SPDYE18: variants seen among roughly 807,000 people sequenced by gnomAD.
SPDYE18 encodes speedy protein E18.
Under a neutral mutation model 44.9 loss-of-function variants are expected in SPDYE18, and 6 were observed. The observed-to-expected ratio is 0.13, with a 90% confidence interval of 0.07 to 0.26. SPDYE18 has a LOEUF of 0.26. Ranked by LOEUF, SPDYE18 falls within the 10% of genes least tolerant of loss-of-function variation. The pLI, the probability that SPDYE18 is intolerant of heterozygous loss-of-function variation, is 1.00. For synonymous variants in SPDYE18, 35 were observed against 177.1 expected (o/e 0.20, Z 6.37); for missense variants, 121 against 463.2 (o/e 0.26, Z 6.78).
intron 1 of SPDYE18, among the ~76,000 whole-genome samples, chr7:77,062,169 A>G (rs3972471): frequency 7.0e-6 from 1 of 143,284 alleles, no homozygotes; most frequent in Admixed American, 7.7e-5. Context: ...ACGTTTTCCT[A>G]ATGGGCTGCT....
rs1197480200 is a variant in SPDYE18, at chr7:77,050,778, A to G, written c.*1147T>C. On this transcript the variant is annotated 3_prime_UTR_variant, in exon 9 of 9. Transcript: ENST00000510091. Reference sequence around the variant, plus strand: ...CTCTCTTAAAAAGGAAAACAAAATTATATGTATGTGTATATAATAGTTATA... The same window carrying G: ...CTCTCTTAAAAAGGAAAACAAAATTGTATGTATGTGTATATAATAGTTATA... 6.6e-6 allele frequency among the ~76,000 whole-genome samples: 1 copy of G among 151,954 alleles called. No individual in the cohort carries two copies. Among genetic ancestry groups the G allele is most frequent in the Non-Finnish European group, 1.5e-5 (1 of 67,974 alleles).
At chr7:77,054,543 GGGGGA>G (rs1789882127) in intron 6 of SPDYE18, among the ~76,000 whole-genome samples, 1 of 151,216 alleles carries the variant, frequency 6.6e-6, no homozygotes, top group Non-Finnish European at 1.5e-5. Context: ...AGTGATGCGA[GGGGGA>G]CCTGAACTGT....
At chr7:77,054,707 T>C (rs1298186850) in intron 6 of SPDYE18, among the ~76,000 whole-genome samples, 78 of 151,398 alleles carry the variant, frequency 5.2e-4, no homozygotes, top group African/African-American at 1.9e-3. Context: ...TTAGGAGCGG[T>C]TTATGGTTCC....
In SPDYE18 at chr7:77,051,654, C is replaced by T. The variant is rs1290481393; in HGVS notation, c.*271G>A. Among the ~76,000 whole-genome samples, 11 of 152,190 alleles carry T rather than the reference C, an allele frequency of 7.2e-5. No homozygotes were observed. Among genetic ancestry groups the T allele is most frequent in the African/African-American group, 9.6e-5 (4 of 41,480 alleles). ...GGAAAGGGTGGAACTGGAAACACTC[C>T]TGTTTTCTTACTTTTCTCCAAGGAC... On this transcript the variant is annotated 3_prime_UTR_variant, in exon 9 of 9. Coordinates refer to ENST00000510091, the MANE Select transcript of SPDYE18 (RefSeq NM_001394953.1).
At chr7:77,062,407 C>T (rs1037874764) in intron 1 of SPDYE18, among the ~76,000 whole-genome samples, 89 bp downstream of exon 1, 1 of 151,380 alleles carries the variant, frequency 6.6e-6, no homozygotes, top group African/African-American at 2.4e-5. Context: ...AATGTTCTGA[C>T]CCCATTAAAA....
rs1583980648 is a variant in SPDYE18 at position 77,060,515 on chromosome 7, CCTT to C, written c.-6_-4del. On this transcript the variant is annotated 5_prime_UTR_variant, in exon 2 of 9. Transcript: ENST00000510091. ...AACCTAGTCTTCGTTCTGTCCATGG[CCTT>C]CTTCTGGACACTGCTAGGATCCAGA... 6.5e-7 allele frequency: 1 copy of C among 1,535,098 alleles called. No individual in the cohort carries two copies. Among genetic ancestry groups the C allele is most frequent in the Admixed American group, 2.0e-5 (1 of 50,954 alleles).
At chr7:77,055,914 G>GT (rs1480413703) in intron 5 of SPDYE18, among the ~76,000 whole-genome samples, 1 of 151,112 alleles carries the variant, frequency 6.6e-6, no homozygotes, top group Non-Finnish European at 1.5e-5. Flanking sequence ...GTGAGACCCT[G>GT]TTTCTACAAA....
intron 6 of SPDYE18, among the ~76,000 whole-genome samples, chr7:77,054,549 CCTGAACTG>C (rs1789882426): frequency 6.9e-6 from 1 of 145,720 alleles, no homozygotes; most frequent in Non-Finnish European, 1.5e-5. Context: ...GCGAGGGGGA[CCTGAACTG>C]TGGCCTCTGT....
rs1294706342 is a variant in SPDYE18, at chr7:77,053,348, G to C, written c.756-145C>G. On this transcript the variant is annotated intron_variant, in intron 6 of 8. Coordinates refer to ENST00000510091, the MANE Select transcript of SPDYE18 (RefSeq NM_001394953.1). ...GCAGAGAGCCACGCCTTCCTCAGGA[G>C]GGCTCTGCTGGACAGAGACCTGATC... The C allele has an allele frequency of 5.1e-6, 7 of 1,377,298 alleles. No homozygotes were observed. The African/African-American group carries it at 8.7e-5, about 17-fold the overall frequency. 85.3% of individuals were successfully genotyped at this position (1,377,298 alleles called of 1,614,324 possible). A position where few individuals can be genotyped will look rare whatever the true frequency, so the allele number is the denominator to read the frequency against.
chr7:77,051,994 C>G (rs1458877136), intron 8 of SPDYE18, among the ~76,000 whole-genome samples, 115 bp from the exon 9 acceptor site: 4 of 143,216 alleles, frequency 2.8e-5, no homozygotes, highest in Admixed American at 2.2e-4. Context: ...GCAATTTTAT[C>G]TGCTGCCTTT....
rs186573565 is a variant in SPDYE18 at position 77,051,520 on chromosome 7, C to T, written c.*405G>A. Among the ~76,000 whole-genome samples, 14,817 of 150,842 alleles carry T rather than the reference C, an allele frequency of 0.098. 583 individuals are homozygous for T. Among genetic ancestry groups the T allele is most frequent in the Non-Finnish European group, 0.14 (9,716 of 67,032 alleles). On this transcript the variant is annotated 3_prime_UTR_variant, in exon 9 of 9. Transcript: ENST00000510091. ...GCCAATCTGAGCCCCTGCATTGTGC[C>T]TTCAAATGCTCCTGGACTGTGGCAA...
rs1790010555 is a variant in SPDYE18, at chr7:77,060,843, C to T, written c.-331G>A. On this transcript the variant is annotated 5_prime_UTR_variant, in exon 2 of 9. Coordinates refer to ENST00000510091, the MANE Select transcript of SPDYE18 (RefSeq NM_001394953.1). ...CAGGGACTCCACATCCCTGTGTTCC[C>T]TGTCCCAGCAGAGGCTGTGTCCTCT... Among the ~76,000 whole-genome samples the T allele has an allele frequency of 6.6e-6, 1 of 151,640 alleles. No homozygotes were observed. Among genetic ancestry groups the T allele is most frequent in the South Asian group, 2.1e-4 (1 of 4,814 alleles).
rs1271309321 is a variant in SPDYE18, at chr7:77,050,897, TTAAA to T, written c.*1024_*1027del. Among the ~76,000 whole-genome samples, 70 of 148,824 alleles carry T rather than the reference TTAAA, an allele frequency of 4.7e-4. No individual in the cohort carries two copies. Among genetic ancestry groups the T allele is most frequent in the African/African-American group, 1.3e-3 (55 of 41,070 alleles). On this transcript the variant is annotated 3_prime_UTR_variant, in exon 9 of 9. Coordinates refer to ENST00000510091, the MANE Select transcript of SPDYE18 (RefSeq NM_001394953.1). ...ATAATATTTAAAGTAATAATAATAT[TTAAA>T]TAAATAAATATATTTAATAAATATT...
chr7:77,054,760 T>C (rs1789887737), intron 6 of SPDYE18, among the ~76,000 whole-genome samples: 2 of 136,686 alleles, frequency 1.5e-5, no homozygotes, highest in South Asian at 4.8e-4. Flanking sequence ...TTGGAGTTTG[T>C]TTTTTTGGCT....
In SPDYE18 at chr7:77,055,791, G is replaced by C. The variant is rs991918548; in HGVS notation, c.670-470C>G. ...GGGAGATGCTGACAAATCATAAAAAGACCAAGAATAGCCGGGAGTGGTGGC... is the reference window on the plus strand; with the variant it reads ...GGGAGATGCTGACAAATCATAAAAACACCAAGAATAGCCGGGAGTGGTGGC... On this transcript the variant is annotated intron_variant, in intron 5 of 8. Coordinates refer to ENST00000510091, the MANE Select transcript of SPDYE18 (RefSeq NM_001394953.1). Among the ~76,000 whole-genome samples, 22 of 143,666 alleles carry C rather than the reference G, an allele frequency of 1.5e-4. No homozygotes were observed. In the East Asian group the frequency reaches 4.5e-3, roughly 29 times the overall value. The allele number at this position is 143,666 out of a possible 152,430, so 94.3% of individuals were successfully genotyped here. A position where few individuals can be genotyped will look rare whatever the true frequency, so the allele number is the denominator to read the frequency against.
rs1320892643 is a variant in SPDYE18, at chr7:77,050,737, T to A, written c.*1188A>T. ...TACAAAGATTGAAAGGTAAAAGATT[T>A]AGGATGAAAAGAATCCTCTCTTAAA... On this transcript the variant is annotated 3_prime_UTR_variant, in exon 9 of 9. Coordinates refer to ENST00000510091, the MANE Select transcript of SPDYE18 (RefSeq NM_001394953.1). Among the ~76,000 whole-genome samples, 1 of 152,074 alleles carries A rather than the reference T, an allele frequency of 6.6e-6. No homozygotes were observed. Among genetic ancestry groups the A allele is most frequent in the Non-Finnish European group, 1.5e-5 (1 of 67,992 alleles).
At chr7:77,058,833 C>T (rs1455682234) in intron 3 of SPDYE18, among the ~76,000 whole-genome samples, 1 of 151,996 alleles carries the variant, frequency 6.6e-6, no homozygotes, top group Non-Finnish European at 1.5e-5. Flanking sequence ...TGCTCTGTCA[C>T]CCAGGCTGGA....
rs1204392133 is a variant in SPDYE18 at position 77,060,933 on chromosome 7, T to G, written c.-421A>C. ...TGTACATGCCCATTTCAGAGTCCAG[T>G]CTGGTGGGAGAGGGAACAGAGTGGG... On this transcript the variant is annotated splice_region_variant and 5_prime_UTR_variant, in exon 2 of 9. Transcript: ENST00000510091. Among the ~76,000 whole-genome samples the G allele has an allele frequency of 1.6e-3, 246 of 150,758 alleles. No individual in the cohort carries two copies. The Middle Eastern group carries it at 0.021, about 13-fold the overall frequency.
intron 2 of SPDYE18, 144 bp downstream of exon 2, chr7:77,060,209 C>A: frequency 7.0e-7 from 1 of 1,422,196 alleles, no homozygotes; most frequent in Non-Finnish European, 9.3e-7. Flanking sequence ...ATTGGCCAGG[C>A]TGGCCTTGAA....
Sources: allele counts gnomAD v4.1 joint callset (sites outside exome capture counted in the v4.1 genomes callset), GRCh38; gene constraint gnomAD v4.1.1; transcripts MANE v1.5; gene names NCBI Gene and HGNC (gene_info 2026-07-23, HGNC 2026-07-21).